CLASP1: variants seen among roughly 807,000 people sequenced by gnomAD.
CLASP1 encodes cytoplasmic linker associated protein 1, also known as CLIP-associating protein 1.
Under a neutral mutation model 192.3 loss-of-function variants are expected in CLASP1, and 38 were observed. The ratio of observed to expected loss-of-function variants is 0.20; its 90% confidence interval spans 0.15 to 0.26. The LOEUF (loss-of-function observed/expected upper bound fraction) is 0.26. CLASP1 is among the 10% of genes least tolerant of loss of function. The pLI is 1.00. For synonymous variants in CLASP1, 691 were observed against 712.8 expected (o/e 0.97, Z 0.49); for missense variants, 1,433 against 1,932.5 (o/e 0.74, Z 4.85).
intron 2 of CLASP1, among the ~76,000 whole-genome samples, chr2:121,597,538 C>T (rs2063284161): frequency 6.6e-6 from 1 of 152,248 alleles, no homozygotes; most frequent in East Asian, 1.9e-4. Context: ...CAATCAAGCA[C>T]ATTAATATTT....
intron 2 of CLASP1, among the ~76,000 whole-genome samples, chr2:121,587,467 C>T (rs933300903): frequency 1.3e-5 from 2 of 152,114 alleles, no homozygotes; most frequent in South Asian, 2.1e-4. Flanking sequence ...TTTTAAAACC[C>T]CTCCATTTGG....
chr2:121,586,219 C>T (rs2061700444), intron 2 of CLASP1, among the ~76,000 whole-genome samples: 1 of 152,092 alleles, frequency 6.6e-6, no homozygotes, highest in African/African-American at 2.4e-5. Flanking sequence ...CCTCAGCCTC[C>T]CAGTTCAAGC....
intron 10 of CLASP1, 77 bp downstream of exon 10, chr2:121,462,455 A>G: frequency 1.2e-6 from 1 of 811,288 alleles, no homozygotes; most frequent in African/African-American, 1.7e-5. Context: ...ACAACATTAC[A>G]TAGGCAGAAT....
At chr2:121,622,459 C>T (rs1431202690) in intron 1 of CLASP1, among the ~76,000 whole-genome samples, 1 of 151,386 alleles carries the variant, frequency 6.6e-6, no homozygotes, top group African/African-American at 2.4e-5. Flanking sequence ...GTACCAACTA[C>T]TCAGGAGGCT....
chr2:121,467,152 T>C (rs1305850090), intron 9 of CLASP1, among the ~76,000 whole-genome samples: 1 of 152,206 alleles, frequency 6.6e-6, no homozygotes, highest in African/African-American at 2.4e-5. Flanking sequence ...GACATGATCT[T>C]GTTCCTTTTT....
intron 30 of CLASP1, among the ~76,000 whole-genome samples, chr2:121,390,157 C>A (rs2149397020): frequency 6.6e-6 from 1 of 152,214 alleles, no homozygotes; most frequent in South Asian, 2.1e-4. Context: ...AATATGGAAT[C>A]CAAGCAAGGA....
At chr2:121,625,426 C>CTT (rs1559804182) in intron 1 of CLASP1, among the ~76,000 whole-genome samples, 3 of 128,280 alleles carry the variant, frequency 2.3e-5, no homozygotes, top group African/African-American at 9.8e-5. Context: ...TTCTTTCTTT[C>CTT]ATTTTTTTTT....
chr2:121,418,479 G>A (rs1289206101), intron 23 of CLASP1, 143 bp downstream of exon 23: 2 of 640,816 alleles, frequency 3.1e-6, no homozygotes, highest in African/African-American at 3.6e-5. Context: ...AGGGGGACAA[G>A]GGGTAACTAA....
intron 35 of CLASP1, among the ~76,000 whole-genome samples, chr2:121,365,958 A>G (rs555271184): frequency 6.6e-6 from 1 of 152,350 alleles, no homozygotes; most frequent in Non-Finnish European, 1.5e-5. Context: ...CTTTTAAGAA[A>G]CCTGAACTCT....
intron 7 of CLASP1, among the ~76,000 whole-genome samples, chr2:121,513,618 A>G (rs958065146): frequency 2.0e-5 from 3 of 152,188 alleles, no homozygotes; most frequent in Non-Finnish European, 4.4e-5. Flanking sequence ...CACAGGACTC[A>G]GCACAATCAT....
At chr2:121,642,229 G>A (rs1040207309) in intron 1 of CLASP1, among the ~76,000 whole-genome samples, 2 of 149,734 alleles carry the variant, frequency 1.3e-5, no homozygotes, top group Non-Finnish European at 3.0e-5. Flanking sequence ...ACCAGCCTGG[G>A]CAACATAGTG....
chr2:121,451,665 C>A, intron 15 of CLASP1, 125 bp downstream of exon 15: 1 of 701,048 alleles, frequency 1.4e-6, no homozygotes, highest in Non-Finnish European at 2.5e-6. Flanking sequence ...AAACAACAGA[C>A]GTAGTCATGA....
At chr2:121,442,783 A>C (rs184451709) in intron 19 of CLASP1, among the ~76,000 whole-genome samples, 33 of 152,242 alleles carry the variant, frequency 2.2e-4, no homozygotes, top group African/African-American at 7.5e-4. Context: ...TCACCCTCTA[A>C]ATTTTTAATT....
intron 1 of CLASP1, among the ~76,000 whole-genome samples, chr2:121,609,895 C>T (rs1006681827): frequency 3.3e-5 from 5 of 152,126 alleles, no homozygotes; most frequent in African/African-American, 9.7e-5. Flanking sequence ...GAGCCGATCA[C>T]GCCACTGCAC....
intron 1 of CLASP1, among the ~76,000 whole-genome samples, chr2:121,627,656 A>AGG (rs1366270683): frequency 6.6e-6 from 1 of 152,248 alleles, no homozygotes; most frequent in Non-Finnish European, 1.5e-5. Flanking sequence ...TACCTTGCTT[A>AGG]GGCAAGATTC....
chr2:121,509,907 A>G (rs922945089), intron 7 of CLASP1, among the ~76,000 whole-genome samples: 4 of 152,258 alleles, frequency 2.6e-5, no homozygotes, highest in African/African-American at 7.2e-5. Context: ...TTCTCTAACC[A>G]CAATTTGATA....
chr2:121,457,246 C>A (rs1297287578), intron 14 of CLASP1, among the ~76,000 whole-genome samples: 3 of 152,206 alleles, frequency 2.0e-5, no homozygotes, highest in Non-Finnish European at 4.4e-5. Context: ...GATGCAAACA[C>A]ATACCTTTCC....
intron 2 of CLASP1, among the ~76,000 whole-genome samples, chr2:121,587,513 A>G (rs2061855465): frequency 6.6e-6 from 1 of 152,188 alleles, no homozygotes; most frequent in Non-Finnish European, 1.5e-5. Flanking sequence ...GGCTCTTAGA[A>G]GAATATGTGA....
At chr2:121,606,303 C>T (rs961915403) in intron 1 of CLASP1, 123 bp from the exon 2 acceptor site, 4 of 287,572 alleles carry the variant, frequency 1.4e-5, no homozygotes, top group Non-Finnish European at 2.6e-5. Flanking sequence ...ACAAGCAGAG[C>T]GAGAAGCATG....
Sources: gnomAD v4.1 joint callset for allele counts (sites outside exome capture counted in the v4.1 genomes callset) on GRCh38, gnomAD v4.1.1 for gene constraint, MANE v1.5 for transcripts, NCBI Gene and HGNC (gene_info 2026-07-23, HGNC 2026-07-21) for gene names.